CELF4: variants seen among roughly 807,000 people sequenced by gnomAD.
CELF4 encodes the protein CUGBP Elav-like family member 4, also known as CUG-BP- and ETR-3-like factor 4.
In CELF4, 18 loss-of-function variants were observed where a neutral mutation model predicts 59.9. The ratio of observed to expected loss-of-function variants is 0.30; its 90% CI spans 0.21 to 0.45. The LOEUF (loss-of-function observed/expected upper bound fraction) is 0.45. Ranked by LOEUF, CELF4 falls within the 20% of genes least tolerant of loss-of-function variation. The pLI, the probability that CELF4 is intolerant of heterozygous loss-of-function variation, is 1.00. For synonymous variants in CELF4, 261 were observed against 267.1 expected (o/e 0.98, Z 0.22); for missense variants, 456 against 689.0 (o/e 0.66, Z 3.79).
chr18:37,323,008 G>A (rs1371138539), intron 2 of CELF4, among the ~76,000 whole-genome samples: 15 of 152,146 alleles, frequency 9.9e-5, no homozygotes, highest in Admixed American at 5.2e-4. Context: ...GAGACCTTCC[G>A]TTGCCAATTC....
intron 1 of CELF4, among the ~76,000 whole-genome samples, chr18:37,493,831 CTTT>C (rs2099921043): frequency 6.6e-6 from 1 of 152,180 alleles, no homozygotes; most frequent in Non-Finnish European, 1.5e-5. Flanking sequence ...AGTCTCCTCT[CTTT>C]AAATCAGAAA....
intron 7 of CELF4, among the ~76,000 whole-genome samples, chr18:37,271,508 G>A (rs1420334285): frequency 1.3e-5 from 2 of 151,974 alleles, no homozygotes; most frequent in South Asian, 2.1e-4. Flanking sequence ...CACCCGCCTC[G>A]GCCTCCCAAA....
In CELF4 at chr18:37,275,095, C is replaced by A. The variant is rs1321533465; in HGVS notation, c.577+20G>T. 6.2e-7 allele frequency: 1 copy of A among 1,611,350 alleles called. No homozygotes were observed. Among genetic ancestry groups the A allele is most frequent in the Non-Finnish European group, 8.5e-7 (1 of 1,178,860 alleles). On this transcript the variant is annotated intron_variant, in intron 4 of 12. Transcript: ENST00000420428. ...TCGCCCCTCCCTCCGGGGCATCCCT[C>A]CCGGCCCCGCCCCGCGCACCCTTGC...
At chr18:37,452,918 G>GTT (rs1174770768) in intron 2 of CELF4, among the ~76,000 whole-genome samples, 1 of 152,086 alleles carries the variant, frequency 6.6e-6, no homozygotes, top group Non-Finnish European at 1.5e-5. Flanking sequence ...CCCCAAGGGA[G>GTT]TTGAAACTCA....
chr18:37,553,980 C>A (rs1448385425), intron 1 of CELF4, among the ~76,000 whole-genome samples: 3 of 152,158 alleles, frequency 2.0e-5, no homozygotes, highest in Non-Finnish European at 4.4e-5. Context: ...GGCTTCCTCC[C>A]CAGGTATGAA....
intron 2 of CELF4, among the ~76,000 whole-genome samples, chr18:37,432,792 T>C (rs965825570): frequency 8.5e-5 from 13 of 152,190 alleles, no homozygotes; most frequent in African/African-American, 2.9e-4. Flanking sequence ...TTTACTGTTT[T>C]CTACCCTCCT....
At chr18:37,539,101 C>T (rs971540908) in intron 1 of CELF4, among the ~76,000 whole-genome samples, 1 of 152,190 alleles carries the variant, frequency 6.6e-6, no homozygotes, top group Non-Finnish European at 1.5e-5. Flanking sequence ...ACAGACTCTT[C>T]TCCAAGGCTG....
At chr18:37,366,803 A>AT (rs1312652740) in intron 2 of CELF4, among the ~76,000 whole-genome samples, 2 of 151,784 alleles carry the variant, frequency 1.3e-5, no homozygotes, top group Non-Finnish European at 2.9e-5. Flanking sequence ...CCACGCTTCT[A>AT]TTTTTCCCAC....
At chr18:37,317,285 G>A (rs2096899944) in intron 3 of CELF4, among the ~76,000 whole-genome samples, 1 of 152,218 alleles carries the variant, frequency 6.6e-6, no homozygotes, top group Non-Finnish European at 1.5e-5. Flanking sequence ...TACTCCGGAG[G>A]CTGAGGCAGG....
chr18:37,267,172 C>G (rs573327264), intron 8 of CELF4, among the ~76,000 whole-genome samples: 1 of 152,338 alleles, frequency 6.6e-6, no homozygotes, highest in South Asian at 2.1e-4. Context: ...CAGCAGGGAC[C>G]AGCTACGCAA....
intron 3 of CELF4, 116 bp downstream of exon 3, chr18:37,321,687 A>G (rs2097125741): frequency 1.4e-6 from 1 of 708,232 alleles, no homozygotes; most frequent in East Asian, 2.7e-5. Context: ...CAGCCACGAG[A>G]TCCCCAGAGG....
chr18:37,343,329 CTGTGTGTGTGTGTG>C (rs5824051), intron 2 of CELF4, among the ~76,000 whole-genome samples: 205 of 127,050 alleles, frequency 1.6e-3, no homozygotes, highest in African/African-American at 4.2e-3. Flanking sequence ...GGTGTTGATT[CTGTGTGTGTGTGTG>C]TGTGTGTGTG....
chr18:37,364,096 T>C (rs2098744747), intron 2 of CELF4, among the ~76,000 whole-genome samples: 1 of 152,178 alleles, frequency 6.6e-6, no homozygotes. Context: ...TGTCCTCAGA[T>C]TCCTTTAAAT....
At chr18:37,559,700 T>C (rs1034510570) in intron 1 of CELF4, among the ~76,000 whole-genome samples, 1 of 152,156 alleles carries the variant, frequency 6.6e-6, no homozygotes, top group African/African-American at 2.4e-5. Flanking sequence ...CAAGCTCTTT[T>C]CTCAAGCAAA....
intron 2 of CELF4, among the ~76,000 whole-genome samples, chr18:37,347,748 G>A (rs1270404171): frequency 6.6e-6 from 1 of 152,124 alleles, no homozygotes. Context: ...TACACAGGGG[G>A]CAAGTCCCAC....
At chr18:37,502,097 G>A (rs909601344) in intron 1 of CELF4, among the ~76,000 whole-genome samples, 1 of 152,120 alleles carries the variant, frequency 6.6e-6, no homozygotes, top group Non-Finnish European at 1.5e-5. Context: ...TGAGCTGCCC[G>A]CTTCGTCTGT....
intron 3 of CELF4, among the ~76,000 whole-genome samples, chr18:37,321,249 C>T (rs1358292229): frequency 3.3e-5 from 5 of 152,184 alleles, no homozygotes; most frequent in African/African-American, 1.2e-4. Flanking sequence ...GTGGGCTCCA[C>T]ATTCTAGGAC....
chr18:37,429,709 A>G (rs61097611), intron 2 of CELF4, among the ~76,000 whole-genome samples: 47,232 of 152,096 alleles, frequency 0.31, 8,248 homozygotes, highest in East Asian at 0.53. Flanking sequence ...AACCCACTCC[A>G]TTTAAAAAAT....
rs200720624 is a variant in CELF4, at chr18:37,423,059, C to CGT, written c.369+62465_369+62466insAC. Among the ~76,000 whole-genome samples the CGT allele has an allele frequency of 8.4e-3, 851 of 101,592 alleles. 10 individuals carry two copies. Among genetic ancestry groups the CGT allele is most frequent in the African/African-American group, 0.023 (801 of 34,282 alleles). The allele number at this position is 101,592 out of a possible 152,430, so 66.6% of individuals were successfully genotyped here. A position where few individuals can be genotyped will look rare whatever the true frequency, so the allele number is the denominator to read the frequency against. Reference sequence around the variant, plus strand: ...GGTTCTACACATAGACACATGCGCGCGCGCGCACACACACACACACACAGA... The same window carrying CGT: ...GGTTCTACACATAGACACATGCGCGCGTGCGCGCACACACACACACACACAGA... On this transcript the variant is annotated intron_variant, in intron 2 of 12. Coordinates refer to ENST00000420428, the MANE Select transcript of CELF4 (RefSeq NM_020180.4).
Sources: allele counts gnomAD v4.1 joint callset (sites outside exome capture counted in the v4.1 genomes callset), GRCh38; gene constraint gnomAD v4.1.1; transcripts MANE v1.5; gene names NCBI Gene and HGNC (gene_info 2026-07-23, HGNC 2026-07-21).